Variants in CYRIB observed in about 807,000 individuals in gnomAD.
CYRIB encodes CYFIP related Rac1 interactor B.
In CYRIB, 8 loss-of-function variants were observed where a neutral mutation model predicts 44.2. The observed-to-expected ratio is 0.18, with a 90% confidence interval of 0.11 to 0.33. The LOEUF (loss-of-function observed/expected upper bound fraction) is 0.33. Among genes scored for constraint, CYRIB ranks in the 10% least tolerant of loss-of-function variants. The pLI is 1.00. For missense variants in CYRIB, 185 were observed against 382.8 expected, an observed-to-expected ratio of 0.48 and a Z score of 4.31; for synonymous variants, 131 against 127.2, an observed-to-expected ratio of 1.03 and a Z score of -0.20.
chr8:129,993,759 G>C (rs1438206473), intron 1 of CYRIB, among the ~76,000 whole-genome samples: 2 of 151,890 alleles, frequency 1.3e-5, no homozygotes, highest in Non-Finnish European at 2.9e-5. Context: ...CTACTTGTGA[G>C]GCTGAGGTGG....
At chr8:129,941,375 G>T (rs1343054444), upstream of CYRIB, among the ~76,000 whole-genome samples, 1 of 148,146 alleles carries the variant, frequency 6.8e-6, no homozygotes, top group East Asian at 2.0e-4. Context: ...CCAGGTTCAA[G>T]CGATTCTCCT....
intron 1 of CYRIB, among the ~76,000 whole-genome samples, chr8:129,934,533 A>G (rs985491434): frequency 2.6e-5 from 4 of 152,196 alleles, no homozygotes; most frequent in Admixed American, 2.6e-4. Context: ...CAACTGTTTC[A>G]GTACTGAGTG....
intron 1 of CYRIB, among the ~76,000 whole-genome samples, chr8:129,914,115 T>C (rs62524564): frequency 6.6e-6 from 1 of 152,124 alleles, no homozygotes; most frequent in Non-Finnish European, 1.5e-5. Context: ...CCTGTGTTAC[T>C]TCCCTGTCCC....
chr8:129,898,044 G>A (rs887611842), intron 2 of CYRIB, among the ~76,000 whole-genome samples: 16 of 151,834 alleles, frequency 1.1e-4, no homozygotes, highest in African/African-American at 3.4e-4. Context: ...AATTACAGGC[G>A]TGAGCCACTG....
At chr8:129,850,756 T>C (rs976689621) in intron 9 of CYRIB, 79 bp downstream of exon 11, 17 of 974,854 alleles carry the variant, frequency 1.7e-5, no homozygotes, top group African/African-American at 1.6e-4. Context: ...CATGTTAACA[T>C]GTTCATATAT....
At chr8:130,007,886 C>A (rs192961649) in intron 1 of CYRIB, among the ~76,000 whole-genome samples, 19 of 151,718 alleles carry the variant, frequency 1.3e-4, no homozygotes, top group African/African-American at 4.6e-4. Context: ...CAGAAACCCA[C>A]GACGTGATCC....
intron 1 of CYRIB, among the ~76,000 whole-genome samples, chr8:129,906,683 A>C (rs1315258105): frequency 2.6e-5 from 4 of 152,232 alleles, no homozygotes; most frequent in East Asian, 3.8e-4. Context: ...AAATGGGAGA[A>C]AATTTTTGCA....
intron 4 of CYRIB, among the ~76,000 whole-genome samples, chr8:129,868,393 G>A (rs2055045085): frequency 1.3e-5 from 2 of 152,100 alleles, no homozygotes; most frequent in Middle Eastern, 6.8e-3. Flanking sequence ...GTTTAACAAT[G>A]GTACCTTTAT....
At chr8:130,001,322 G>C (rs978081122) in intron 1 of CYRIB, among the ~76,000 whole-genome samples, 2 of 152,070 alleles carry the variant, frequency 1.3e-5, no homozygotes. Flanking sequence ...TGGACGTCCA[G>C]GAGGCAGGAG....
intron 2 of CYRIB, among the ~76,000 whole-genome samples, chr8:129,959,474 C>T (rs1213291203): frequency 6.6e-6 from 1 of 152,078 alleles, no homozygotes; most frequent in Non-Finnish European, 1.5e-5. Flanking sequence ...AGGAACCGTA[C>T]TAGAGAAGGT....
intron 2 of CYRIB, among the ~76,000 whole-genome samples, chr8:129,963,153 A>G (rs2095341114): frequency 1.3e-5 from 2 of 152,152 alleles, no homozygotes; most frequent in Non-Finnish European, 2.9e-5. Flanking sequence ...TTGGACCACA[A>G]TCCACAAGAA....
chr8:129,839,966 C>G (rs1248835392), exon 12 of CYRIB: 1 of 152,280 alleles, frequency 6.6e-6, no homozygotes, highest in Non-Finnish European at 1.5e-5. Context: ...CCTTGGGACA[C>G]TGAAGGAAAA....
chr8:129,912,238 T>A (rs557066066), intron 1 of CYRIB: 1 of 152,238 alleles, frequency 6.6e-6, no homozygotes, highest in Non-Finnish European at 1.5e-5. Flanking sequence ...CAGGTTCGAT[T>A]TCATAAAAGA....
At chr8:129,933,588 C>G (rs976304285) in intron 1 of CYRIB, among the ~76,000 whole-genome samples, 2 of 152,138 alleles carry the variant, frequency 1.3e-5, no homozygotes, top group African/African-American at 4.8e-5. Context: ...ATAGTAAGAA[C>G]TGATAAGCCG....
chr8:129,913,612 G>C (rs775825780), intron 1 of CYRIB, among the ~76,000 whole-genome samples: 1 of 152,110 alleles, frequency 6.6e-6, no homozygotes, highest in Non-Finnish European at 1.5e-5. Flanking sequence ...CACAGACTAC[G>C]TGTGAACAGT....
At chr8:129,943,407 G>A (rs994859063), upstream of CYRIB, among the ~76,000 whole-genome samples, 7 of 150,704 alleles carry the variant, frequency 4.6e-5, no homozygotes, top group African/African-American at 1.7e-4. Context: ...CTAACATGGT[G>A]AAACCCCATC....
exon 12 of CYRIB, chr8:129,841,355 C>A (rs190240268): frequency 6.6e-6 from 1 of 152,308 alleles, no homozygotes; most frequent in East Asian, 1.9e-4. Flanking sequence ...TGAAAAGACC[C>A]GGCTCTCCCC....
At chr8:129,975,312 G>A (rs755918672) in intron 1 of CYRIB, among the ~76,000 whole-genome samples, 9 of 152,262 alleles carry the variant, frequency 5.9e-5, no homozygotes, top group Non-Finnish European at 8.8e-5. Context: ...CACTGTGCCC[G>A]AAACAGATGA....
At chr8:129,962,140 G>C (rs1476152777) in intron 2 of CYRIB, among the ~76,000 whole-genome samples, 1 of 151,862 alleles carries the variant, frequency 6.6e-6, no homozygotes, top group Non-Finnish European at 1.5e-5. Context: ...CCAGCTACTC[G>C]GGGAGGCTGA....
Sources: gnomAD v4.1 joint callset for allele counts (sites outside exome capture counted in the v4.1 genomes callset) on GRCh38, gnomAD v4.1.1 for gene constraint, MANE v1.5 for transcripts, NCBI Gene and HGNC (gene_info 2026-07-23, HGNC 2026-07-21) for gene names.